Variants in UNC13B observed in about 807,000 individuals in gnomAD.
UNC13B encodes unc-13 homolog B.
A neutral mutation model predicts 211.0 loss-of-function variants in UNC13B; 144 were observed. The ratio of observed to expected loss-of-function variants is 0.68; its 90% CI spans 0.60 to 0.78. The LOEUF (loss-of-function observed/expected upper bound fraction) is 0.78. Among genes scored for constraint, UNC13B ranks in the 30% least tolerant of loss-of-function variants. The pLI is 0.00. For missense variants in UNC13B, 1,777 were observed against 2,002.0 expected (o/e 0.89, Z 2.14); for synonymous variants, 709 against 725.8 (o/e 0.98, Z 0.37).
chr9:35,221,193 T>A (rs1405933913), intron 1 of UNC13B, among the ~76,000 whole-genome samples: 3 of 152,152 alleles, frequency 2.0e-5, no homozygotes. Flanking sequence ...CTCAGCTTCC[T>A]GAGTAGCTGG....
chr9:35,169,197 A>T (rs778553396), intron 1 of UNC13B, among the ~76,000 whole-genome samples: 3 of 152,162 alleles, frequency 2.0e-5, no homozygotes, highest in Non-Finnish European at 4.4e-5. Flanking sequence ...CTAAAAAAAT[A>T]TTTAAAAATT....
At chr9:35,171,169 T>C (rs948670093) in intron 1 of UNC13B, among the ~76,000 whole-genome samples, 1 of 151,904 alleles carries the variant, frequency 6.6e-6, no homozygotes, top group African/African-American at 2.4e-5. Context: ...TGGCTCAATC[T>C]TGGCCCACTG....
intron 1 of UNC13B, among the ~76,000 whole-genome samples, chr9:35,200,519 G>A (rs1363806632): frequency 6.6e-6 from 1 of 152,098 alleles, no homozygotes; most frequent in Non-Finnish European, 1.5e-5. Context: ...GTTGAGCAGT[G>A]GTTTGTAGTT....
chr9:35,380,305 C>T (rs1834734710), intron 17 of UNC13B, among the ~76,000 whole-genome samples, 165 bp from the exon 18 acceptor site: 1 of 152,174 alleles, frequency 6.6e-6, no homozygotes, highest in Non-Finnish European at 1.5e-5. Context: ...GAGTCATTTG[C>T]TAGGATAGCC....
At chr9:35,207,080 T>C (rs1160447936) in intron 1 of UNC13B, among the ~76,000 whole-genome samples, 3 of 152,160 alleles carry the variant, frequency 2.0e-5, no homozygotes, top group Non-Finnish European at 4.4e-5. Context: ...TCATTGTGGA[T>C]TCCCACCAGC....
At chr9:35,402,286 T>C (rs562348749) in intron 37 of UNC13B, among the ~76,000 whole-genome samples, 18 of 149,840 alleles carry the variant, frequency 1.2e-4, no homozygotes, top group Non-Finnish European at 2.2e-4. Context: ...TTTTTTCTTT[T>C]TTTTTTTTTT....
chr9:35,316,144 G>A (rs535413586), intron 11 of UNC13B, among the ~76,000 whole-genome samples: 8 of 152,230 alleles, frequency 5.3e-5, no homozygotes, highest in East Asian at 1.9e-4. Context: ...CTAAGTAGCC[G>A]TCTCCTATCT....
intron 1 of UNC13B, among the ~76,000 whole-genome samples, chr9:35,170,984 T>C (rs1821304536): frequency 6.6e-6 from 1 of 152,120 alleles, no homozygotes; most frequent in Non-Finnish European, 1.5e-5. Flanking sequence ...AATTTTTGTA[T>C]TTTTTGTAGA....
intron 7 of UNC13B, among the ~76,000 whole-genome samples, chr9:35,290,118 T>C (rs1829017589): frequency 6.6e-6 from 1 of 152,232 alleles, no homozygotes; most frequent in African/African-American, 2.4e-5. Flanking sequence ...TAATTAATAG[T>C]GGATTTTTGA....
In UNC13B at chr9:35,258,988, T is replaced by C; in HGVS notation, c.469-5T>C. 1 of 1,613,104 alleles carries C rather than the reference T, an allele frequency of 6.2e-7. No homozygotes were observed. The highest frequency in any genetic ancestry group is 1.3e-5 in the African/African-American group (1 of 75,032). ...ATTTATTTATTTTCTCCTTTCTGCTTCTAGTATTCTAGTCAAGAAGAAAGC... is the reference window on the plus strand; with the variant it reads ...ATTTATTTATTTTCTCCTTTCTGCTCCTAGTATTCTAGTCAAGAAGAAAGC... On this transcript the variant is annotated splice_region_variant and splice_polypyrimidine_tract_variant and intron_variant, in intron 6 of 39. Coordinates refer to ENST00000635942, the MANE Select transcript of UNC13B (RefSeq NM_001371189.2).
chr9:35,245,726 A>G (rs1050218740), intron 6 of UNC13B, among the ~76,000 whole-genome samples: 1 of 152,076 alleles, frequency 6.6e-6, no homozygotes, highest in African/African-American at 2.4e-5. Flanking sequence ...TATATGTGCC[A>G]CATTTTCTTA....
At chr9:35,356,377 CTT>C (rs1240462887) in intron 11 of UNC13B, among the ~76,000 whole-genome samples, 1 of 151,998 alleles carries the variant, frequency 6.6e-6, no homozygotes, top group East Asian at 1.9e-4. Context: ...TAGTTTTCAT[CTT>C]TTTTTTCTTG....
chr9:35,401,111 G>A (rs1303973944), intron 37 of UNC13B, among the ~76,000 whole-genome samples: 2 of 152,166 alleles, frequency 1.3e-5, no homozygotes, highest in African/African-American at 2.4e-5. Context: ...AAATTCTGAC[G>A]CTGGAGCAGA....
chr9:35,353,763 A>G, intron 11 of UNC13B: 1 of 1,232,100 alleles, frequency 8.1e-7, no homozygotes, highest in Non-Finnish European at 1.0e-6. Flanking sequence ...CTTCTGCATG[A>G]GCTAGTACAG....
chr9:35,337,850 C>T (rs1264827305), intron 11 of UNC13B, among the ~76,000 whole-genome samples: 1 of 152,164 alleles, frequency 6.6e-6, no homozygotes, highest in African/African-American at 2.4e-5. Flanking sequence ...TAGAACAAGC[C>T]ATAAAGAACT....
At chr9:35,311,121 G>A (rs577047537) in intron 10 of UNC13B, among the ~76,000 whole-genome samples, 7 of 152,094 alleles carry the variant, frequency 4.6e-5, no homozygotes, top group Non-Finnish European at 8.8e-5. Flanking sequence ...ACTACTAGGT[G>A]TGCACCACCA....
intron 13 of UNC13B, among the ~76,000 whole-genome samples, chr9:35,371,098 G>T (rs1459882664): frequency 1.3e-5 from 2 of 152,108 alleles, no homozygotes; most frequent in African/African-American, 2.4e-5. Context: ...CGGGTGTAAG[G>T]ATTCAGTTAA....
chr9:35,403,741 C>T lies in UNC13B; in HGVS notation c.12738-7C>T, dbSNP rs757983224. On this transcript the variant is annotated splice_polypyrimidine_tract_variant and splice_region_variant and intron_variant, in intron 39 of 39. Transcript: ENST00000635942. ...CTGGCCTCATAACTTCTATCTTGTG[C>T]TCACAGCCTCCTGGGAAATGAGGAG... is the stretch of plus-strand genomic sequence containing the variant. The T allele has an allele frequency of 1.2e-6, 2 of 1,613,762 alleles. No homozygotes were observed.
intron 11 of UNC13B, chr9:35,352,457 A>G: frequency 8.1e-6 from 10 of 1,232,176 alleles, no homozygotes; most frequent in Non-Finnish European, 1.0e-5. Flanking sequence ...CCCACAGGGT[A>G]ATAAGAATCC....
Sources: gnomAD v4.1 joint callset for allele counts (sites outside exome capture counted in the v4.1 genomes callset) on GRCh38, gnomAD v4.1.1 for gene constraint, MANE v1.5 for transcripts, NCBI Gene and HGNC (gene_info 2026-07-23, HGNC 2026-07-21) for gene names.